The following GSAP variants were observed in gnomAD, a reference collection of about 807,000 sequenced individuals.
The protein encoded by GSAP is gamma-secretase-activating protein.
In GSAP, 118 loss-of-function variants were observed where a neutral mutation model predicts 131.7. The ratio of observed to expected loss-of-function variants is 0.90; its 90% CI spans 0.77 to 1.04. The LOEUF (loss-of-function observed/expected upper bound fraction) is 1.04. Ranked by LOEUF, GSAP falls within the 50% of genes least tolerant of loss-of-function variation. The pLI is 0.00. For synonymous variants in GSAP, 381 were observed against 363.4 expected, an observed-to-expected ratio of 1.05 and a Z score of -0.55; for missense variants, 1,019 against 1,013.2, an observed-to-expected ratio of 1.01 and a Z score of -0.08.
chr7:77,367,316 TG>T (rs1464249040), intron 12 of GSAP, among the ~76,000 whole-genome samples: 16 of 152,252 alleles, frequency 1.1e-4, no homozygotes, highest in African/African-American at 3.9e-4. Context: ...TACCAGCTTT[TG>T]CCCATTCAGT....
In GSAP at chr7:77,320,891, G is replaced by A. The variant is rs937787227; in HGVS notation, c.1995-72C>T. ...TGATGCTCCATTTGTCCTAAGCAGT[G>A]GCTTTGAGTACTACACAAGGGTTCA... On this transcript the variant is annotated intron_variant, in intron 25 of 30. Transcript: ENST00000257626. The A allele has an allele frequency of 6.7e-6, 6 of 900,458 alleles. No homozygotes were observed. The Admixed American group carries it at 1.1e-4, about 16-fold the overall frequency. 55.8% of individuals were successfully genotyped at this position (900,458 alleles called of 1,614,324 possible). A position where few individuals can be genotyped will look rare whatever the true frequency, so the allele number is the denominator to read the frequency against.
chr7:77,356,242 G>T (rs553713029), intron 14 of GSAP, among the ~76,000 whole-genome samples: 1 of 152,222 alleles, frequency 6.6e-6, no homozygotes, highest in African/African-American at 2.4e-5. Flanking sequence ...TTTAGCTATG[G>T]TTATCTTAAT....
At chr7:77,354,299 C>T (rs940751918) in intron 16 of GSAP, among the ~76,000 whole-genome samples, 5 of 152,114 alleles carry the variant, frequency 3.3e-5, no homozygotes, top group South Asian at 2.1e-4. Flanking sequence ...TTAGGTAATA[C>T]GATATTACTA....
At chr7:77,382,228 A>G (rs1454166601) in intron 7 of GSAP, among the ~76,000 whole-genome samples, 1 of 152,016 alleles carries the variant, frequency 6.6e-6, no homozygotes, top group Non-Finnish European at 1.5e-5. Flanking sequence ...TCTCCATATT[A>G]TAGTTATCCA....
Position 77,365,963 on chromosome 7 carries a change from C to G in GSAP, c.872-3303G>C, listed in dbSNP as rs1187997380. Among the ~76,000 whole-genome samples the G allele has an allele frequency of 3.9e-5, 5 of 127,284 alleles. No homozygotes were observed. In the East Asian group the frequency reaches 1.2e-3, roughly 32 times the overall value. The allele number at this position is 127,284 out of a possible 152,430, so 83.5% of individuals were successfully genotyped here. On this transcript the variant is annotated intron_variant, in intron 12 of 30. Coordinates refer to ENST00000257626, the MANE Select transcript of GSAP (RefSeq NM_017439.4). The stretch of plus-strand genomic sequence containing the variant: ...CATTCTGACTGGTATGAGATGGTAT[C>G]TCATTGTAACCTCTATCTGCATTTC...
At chr7:77,388,241 T>TATG (rs757029982) in intron 5 of GSAP, among the ~76,000 whole-genome samples, 16 of 152,218 alleles carry the variant, frequency 1.1e-4, no homozygotes, top group Non-Finnish European at 2.1e-4. Context: ...CCACAAGCCC[T>TATG]CTAGGCTTTT....
intron 8 of GSAP, chr7:77,380,049 C>T (rs1584616040): frequency 5.2e-6 from 2 of 387,406 alleles, no homozygotes; most frequent in Non-Finnish European, 7.0e-6. Flanking sequence ...TATTAAGATC[C>T]TATACAAATT....
chr7:77,346,669 C>T (rs1052871032), intron 19 of GSAP, among the ~76,000 whole-genome samples: 47 of 151,356 alleles, frequency 3.1e-4, no homozygotes, highest in African/African-American at 9.7e-4. Context: ...GTGACTATGT[C>T]ATTGCACTCC....
chr7:77,390,106 T>C (rs1321410101), intron 5 of GSAP, among the ~76,000 whole-genome samples: 2 of 152,248 alleles, frequency 1.3e-5, no homozygotes, highest in African/African-American at 2.4e-5. Context: ...TCTGTTCATA[T>C]CCTTCGCCCA....
Position 77,402,616 on chromosome 7 carries a change from A to AAT in GSAP, c.243+1942_243+1943insAT, listed in dbSNP as rs375595494. Among the ~76,000 whole-genome samples the AAT allele has an allele frequency of 4.5e-3, 363 of 80,362 alleles. 43 individuals carry two copies. The East Asian group carries it at 0.07, about 15-fold the overall frequency. The allele number at this position is 80,362 out of a possible 152,430, so 52.7% of individuals were successfully genotyped here. On this transcript the variant is annotated intron_variant, in intron 3 of 30. Transcript: ENST00000257626. The stretch of plus-strand genomic sequence containing the variant: ...CTCAAAAAAAAAAAAAAAAAAAAAA[A>AAT]GAATTTTAAAGCCCATCTAGATTTG...
intron 14 of GSAP, among the ~76,000 whole-genome samples, chr7:77,358,517 A>G (rs1299520543): frequency 3.9e-5 from 6 of 152,256 alleles, no homozygotes; most frequent in Admixed American, 3.9e-4. Flanking sequence ...GATACTTCTT[A>G]TAATTTCAAG....
chr7:77,319,875 G>A (rs142730029), intron 26 of GSAP, among the ~76,000 whole-genome samples: 6 of 152,302 alleles, frequency 3.9e-5, no homozygotes, highest in African/African-American at 1.2e-4. Context: ...GCCAGGAACC[G>A]GGGAGTAGGG....
At chr7:77,356,345 G>A (rs775697866) in intron 14 of GSAP, among the ~76,000 whole-genome samples, 1 of 152,114 alleles carries the variant, frequency 6.6e-6, no homozygotes, top group Admixed American at 6.5e-5. Context: ...CAAGCAACAC[G>A]AATTATTCCT....
chr7:77,394,638 A>C (rs1800076421), intron 5 of GSAP, among the ~76,000 whole-genome samples: 1 of 152,234 alleles, frequency 6.6e-6, no homozygotes, highest in African/African-American at 2.4e-5. Context: ...AAAGTATACC[A>C]GTAAATGGGG....
intron 18 of GSAP, among the ~76,000 whole-genome samples, chr7:77,349,933 G>A (rs954102495): frequency 1.3e-5 from 2 of 151,976 alleles, no homozygotes; most frequent in African/African-American, 4.8e-5. Context: ...CATACCCAAA[G>A]GACTATAAAT....
At chr7:77,337,216 T>C (rs1184518964) in intron 19 of GSAP, among the ~76,000 whole-genome samples, 1 of 147,518 alleles carries the variant, frequency 6.8e-6, no homozygotes, top group Non-Finnish European at 1.5e-5. Flanking sequence ...GCAGTGGCAC[T>C]ATCTTGGCTC....
chr7:77,407,501 C>T (rs1008836761), intron 1 of GSAP, among the ~76,000 whole-genome samples: 11 of 152,256 alleles, frequency 7.2e-5, no homozygotes, highest in East Asian at 3.9e-4. Flanking sequence ...TTGTTTTCTA[C>T]GTGTCTCACC....
chr7:77,324,168 G>C (rs116637451), intron 23 of GSAP, among the ~76,000 whole-genome samples: 1,919 of 152,296 alleles, frequency 0.013, 36 homozygotes, highest in African/African-American at 0.044. Flanking sequence ...GGGTGTTTTG[G>C]AAGGACAGAA....
At chr7:77,337,072 A>G (rs1020914517) in intron 19 of GSAP, among the ~76,000 whole-genome samples, 1 of 152,224 alleles carries the variant, frequency 6.6e-6, no homozygotes, top group African/African-American at 2.4e-5. Context: ...TATTTAAGTG[A>G]TCATGGTTGT....
Sources: allele counts gnomAD v4.1 joint callset (sites outside exome capture counted in the v4.1 genomes callset), GRCh38; gene constraint gnomAD v4.1.1; transcripts MANE v1.5; gene names NCBI Gene and HGNC (gene_info 2026-07-23, HGNC 2026-07-21).